The following COBLL1 variants were observed in gnomAD, a reference collection of about 807,000 sequenced individuals.
COBLL1 encodes the protein cordon-bleu WH2 repeat protein like 1.
In COBLL1, 50 loss-of-function variants were observed where a neutral mutation model predicts 94.8. The observed-to-expected ratio is 0.53, with a 90% CI of 0.42 to 0.67. COBLL1 has a LOEUF of 0.67. COBLL1 is among the 30% of genes least tolerant of loss of function. COBLL1 has a pLI of 0.00. For missense variants in COBLL1, 1,362 were observed against 1,348.7 expected (o/e 1.01, Z -0.15); for synonymous variants, 448 against 473.8 (o/e 0.95, Z 0.71).
At chr2:164,820,513 G>A (rs1311502611) in intron 2 of COBLL1, among the ~76,000 whole-genome samples, 3 of 152,130 alleles carry the variant, frequency 2.0e-5, no homozygotes, top group South Asian at 2.1e-4. Context: ...GAGTCACCGC[G>A]CCAGGCCTGC....
intron 2 of COBLL1, among the ~76,000 whole-genome samples, chr2:164,663,819 G>A (rs1691107098): frequency 6.6e-6 from 1 of 152,014 alleles, no homozygotes; most frequent in Non-Finnish European, 1.5e-5. Context: ...GAGAAAGCAA[G>A]GACTAAAAAA....
intron 2 of COBLL1, among the ~76,000 whole-genome samples, chr2:164,756,385 T>C (rs1261132021): frequency 6.6e-6 from 1 of 152,216 alleles, no homozygotes; most frequent in Admixed American, 6.5e-5. Context: ...CTTCAGGTAA[T>C]TTCCAGGGAA....
intron 13 of COBLL1, 104 bp from the exon 14 acceptor site, chr2:164,686,136 AATG>A (rs750628788): frequency 2.4e-4 from 129 of 544,904 alleles, no homozygotes; most frequent in Non-Finnish European, 2.6e-4. Flanking sequence ...CTTAATTGTA[AATG>A]ATAAGTATCT....
intron 2 of COBLL1, among the ~76,000 whole-genome samples, chr2:164,805,349 A>ATATATATATATT (rs1684083337): frequency 9.1e-6 from 1 of 110,002 alleles, no homozygotes; most frequent in Non-Finnish European, 1.8e-5. Flanking sequence ...ATATATATAT[A>ATATATATATATT]TATATATATA....
At chr2:164,717,652 C>T in intron 7 of COBLL1, among the ~76,000 whole-genome samples, 1 of 152,218 alleles carries the variant, frequency 6.6e-6, no homozygotes, top group Non-Finnish European at 1.5e-5. Flanking sequence ...TTCCTGTGCT[C>T]AAGTGATCCT....
chr2:164,832,290 G>A (rs903777126), intron 2 of COBLL1, among the ~76,000 whole-genome samples: 1 of 152,098 alleles, frequency 6.6e-6, no homozygotes, highest in Non-Finnish European at 1.5e-5. Context: ...CTTTACTTTA[G>A]GCTATAAGGT....
At position 164,681,508 on chromosome 2, in the gene COBLL1, TGA is replaced by T. The variant is rs1683039038; in HGVS notation, c.*4436_*4437del. 1 of 152,212 alleles carries T rather than the reference TGA, an allele frequency of 6.6e-6. No individual in the cohort carries two copies. The highest frequency in any genetic ancestry group is 2.1e-4 in the South Asian group (1 of 4,832). 9.4% of individuals were successfully genotyped at this position (152,212 alleles called of 1,614,324 possible). A position where few individuals can be genotyped will look rare whatever the true frequency, so the allele number is the denominator to read the frequency against. ...GGGAGAGGGGGCTCTGCCTCTTTAA[TGA>T]GAGGAGCTGCAAAGTCACACAGCAA... On this transcript the variant is annotated 3_prime_UTR_variant, in exon 14 of 14. Transcript: ENST00000652658.
At chr2:164,694,087 A>G (rs1174171014) in intron 12 of COBLL1, among the ~76,000 whole-genome samples, 182 bp downstream of exon 12, 1 of 152,204 alleles carries the variant, frequency 6.6e-6, no homozygotes, top group East Asian at 1.9e-4. Context: ...CAAGTTATAT[A>G]AGTTATAATT....
At chr2:164,686,723 G>C (rs1010210067) in intron 13 of COBLL1, among the ~76,000 whole-genome samples, 2 of 151,836 alleles carry the variant, frequency 1.3e-5, no homozygotes, top group Non-Finnish European at 2.9e-5. Context: ...TGAAATTCCA[G>C]CTTTTGAAAA....
In COBLL1 at chr2:164,681,805, A is replaced by T. The variant is rs201040434; in HGVS notation, c.*4141T>A. On this transcript the variant is annotated 3_prime_UTR_variant, in exon 14 of 14. Coordinates refer to ENST00000652658, the MANE Select transcript of COBLL1 (RefSeq NM_001365672.2). ...ATTTTTTCCAGTTTGTGAAGCAGAG[A>T]TGCCAACAGATCTCTACAAATTACC... 6.6e-6 allele frequency: 1 copy of T among 152,208 alleles called. No individual in the cohort carries two copies. Among genetic ancestry groups the T allele is most frequent in the East Asian group, 1.9e-4 (1 of 5,192 alleles). 9.4% of individuals were successfully genotyped at this position (152,208 alleles called of 1,614,324 possible).
At chr2:164,718,917 A>G (rs1190430849) in intron 7 of COBLL1, among the ~76,000 whole-genome samples, 1 of 152,110 alleles carries the variant, frequency 6.6e-6, no homozygotes, top group Non-Finnish European at 1.5e-5. Context: ...TATCCTATCA[A>G]TGAGGAGGCA....
chr2:164,806,269 T>C (rs1481343705), intron 2 of COBLL1, among the ~76,000 whole-genome samples: 1 of 152,212 alleles, frequency 6.6e-6, no homozygotes, highest in African/African-American at 2.4e-5. Context: ...AAAACTGAGT[T>C]TGATACCTAG....
At chr2:164,686,581 T>C (rs1470375891) in intron 13 of COBLL1, among the ~76,000 whole-genome samples, 4 of 150,402 alleles carry the variant, frequency 2.7e-5, no homozygotes, top group Admixed American at 6.6e-5. Flanking sequence ...GCCAAATGAC[T>C]GAAGACTGAA....
In COBLL1 at chr2:164,683,707, A is replaced by G. The variant is rs1683148868; in HGVS notation, c.*2239T>C. 6.6e-6 allele frequency: 1 copy of G among 152,058 alleles called. No individual in the cohort carries two copies. Among genetic ancestry groups the G allele is most frequent in the East Asian group, 1.9e-4 (1 of 5,194 alleles). 9.4% of individuals were successfully genotyped at this position (152,058 alleles called of 1,614,324 possible). ...ATTTATAGTATCATTTTTTATATTT[A>G]TACTTTATGTAACTAATTTCATAAA... On this transcript the variant is annotated 3_prime_UTR_variant, in exon 14 of 14. Transcript: ENST00000652658.
chr2:164,692,226 T>C lies in COBLL1; in HGVS notation c.3295A>G (p.Lys1099Glu), dbSNP rs1302923289. The C allele has an allele frequency of 1.3e-6, 2 of 1,599,570 alleles. No homozygotes were observed. The highest frequency in any genetic ancestry group is 1.7e-6 in the Non-Finnish European group (2 of 1,174,342). Residue 1099 changes from lysine (K) to glutamate (E), a missense_variant, in exon 13 of 14, where the codon AAA (lysine) becomes GAA (glutamate). By Grantham distance (56) the Lys-to-Glu change is moderately conservative. Transcript: ENST00000652658. ...IRSGEAAAKL[K>E]RVTIPSNTIS... ...ATCTGATAAAGAAGACTTACCCTTT[T>C]CAATTTGGCAGCAGCCTCTCCCGAA...
At chr2:164,660,800 A>C (rs1691057884) in intron 2 of COBLL1, among the ~76,000 whole-genome samples, 1 of 152,216 alleles carries the variant, frequency 6.6e-6, no homozygotes, top group Non-Finnish European at 1.5e-5. Context: ...CAGCAATCAT[A>C]GCTCTTGAAT....
intron 13 of COBLL1, among the ~76,000 whole-genome samples, chr2:164,686,800 T>G (rs1683318030): frequency 6.6e-6 from 1 of 152,196 alleles, no homozygotes; most frequent in South Asian, 2.1e-4. Flanking sequence ...TGCAATATAA[T>G]GAAGATATTT....
At chr2:164,802,291 C>G (rs1306549277) in intron 2 of COBLL1, among the ~76,000 whole-genome samples, 1 of 152,162 alleles carries the variant, frequency 6.6e-6, no homozygotes, top group East Asian at 1.9e-4. Context: ...TGGTAAGCAT[C>G]GATCATAATT....
chr2:164,668,248 G>A lies in COBLL1; in HGVS notation n.127-2347C>T, dbSNP rs1247983835. On this transcript the variant is annotated intron_variant and non_coding_transcript_variant, in intron 1 of 2. Coordinates refer to the COBLL1 transcript ENST00000495084. The stretch of plus-strand genomic sequence containing the variant: ...CAAAGTGCTGAGATTACACGTGTGA[G>A]CCACCACGCCCAGCCTGTCTCGGCT... Among the ~76,000 whole-genome samples, 17 of 151,476 alleles carry A rather than the reference G, an allele frequency of 1.1e-4. No individual in the cohort carries two copies. In the South Asian group the frequency reaches 3.1e-3, roughly 28 times the overall value.
Sources: allele counts gnomAD v4.1 joint callset (sites outside exome capture counted in the v4.1 genomes callset), GRCh38; gene constraint gnomAD v4.1.1; transcripts MANE v1.5; gene names NCBI Gene and HGNC (gene_info 2026-07-23, HGNC 2026-07-21).